The following STK39 variants were observed in gnomAD, a reference collection of about 807,000 sequenced individuals.
STK39 encodes STE20/SPS1-related proline-alanine-rich protein kinase.
Under a neutral mutation model 77.8 loss-of-function variants are expected in STK39, and 20 were observed. The observed-to-expected ratio is 0.26, with a 90% confidence interval of 0.18 to 0.37. STK39 has a LOEUF of 0.37. Among genes scored for constraint, STK39 ranks in the 10% least tolerant of loss-of-function variants. STK39 has a pLI of 1.00. For missense variants in STK39, 479 were observed against 656.5 expected (o/e 0.73, Z 2.95); for synonymous variants, 246 against 234.1 (o/e 1.05, Z -0.47).
intron 1 of STK39, among the ~76,000 whole-genome samples, chr2:168,229,320 G>A (rs1461295549): frequency 6.6e-6 from 1 of 151,850 alleles, no homozygotes. Flanking sequence ...AGGAGGCGGA[G>A]GTTGCAGTAA....
At chr2:168,098,112 T>C (rs1333223242) in intron 10 of STK39, among the ~76,000 whole-genome samples, 2 of 152,256 alleles carry the variant, frequency 1.3e-5, no homozygotes, top group Admixed American at 1.3e-4. Context: ...TTTATCATTC[T>C]TCTTTAGTCA....
At chr2:168,013,810 GTGTGTGTGTGTGTGTGTGTGTGTGTA>G (rs1684333533) in intron 15 of STK39, among the ~76,000 whole-genome samples, 2 of 56,014 alleles carry the variant, frequency 3.6e-5, no homozygotes, top group South Asian at 1.0e-3. Flanking sequence ...GTGTGTGTGT[GTGTGTGTGTGTGTGTGTGTGTGTGTA>G]TGTGTTTGCA....
At chr2:168,053,996 A>G (rs2105370612) in intron 14 of STK39, among the ~76,000 whole-genome samples, 1 of 152,364 alleles carries the variant, frequency 6.6e-6, no homozygotes, top group East Asian at 1.9e-4. Flanking sequence ...ACAGTGCTTG[A>G]AAAATTATTA....
intron 16 of STK39, among the ~76,000 whole-genome samples, chr2:167,990,300 T>C (rs1683668569): frequency 6.6e-6 from 1 of 152,194 alleles, no homozygotes; most frequent in Non-Finnish European, 1.5e-5. Context: ...ATGCAGAGGA[T>C]TTATTTCTGG....
At chr2:168,169,164 A>G (rs1688761249) in intron 2 of STK39, among the ~76,000 whole-genome samples, 1 of 152,136 alleles carries the variant, frequency 6.6e-6, no homozygotes. Flanking sequence ...AGCAACTCTT[A>G]TCCTTTGAAT....
chr2:168,183,316 T>C (rs1194777637), intron 1 of STK39, among the ~76,000 whole-genome samples: 1 of 152,198 alleles, frequency 6.6e-6, no homozygotes, highest in Non-Finnish European at 1.5e-5. Context: ...TTGTGTTCAC[T>C]GGGAAAGAAA....
intron 10 of STK39, among the ~76,000 whole-genome samples, chr2:168,085,452 A>G (rs1429555229): frequency 2.0e-5 from 3 of 152,150 alleles, no homozygotes; most frequent in Non-Finnish European, 2.9e-5. Context: ...TGTCCAGCAG[A>G]TATTTGTCTC....
At chr2:168,020,527 C>T (rs891129369) in intron 14 of STK39, among the ~76,000 whole-genome samples, 8 of 152,022 alleles carry the variant, frequency 5.3e-5, no homozygotes, top group Non-Finnish European at 7.4e-5. Flanking sequence ...GTCTCAAAGA[C>T]TCCCAGGGTC....
intron 10 of STK39, among the ~76,000 whole-genome samples, chr2:168,124,042 A>G (rs946092760): frequency 1.3e-5 from 2 of 152,150 alleles, no homozygotes; most frequent in Non-Finnish European, 2.9e-5. Context: ...TCATAGCCTA[A>G]TATTAGAAAT....
At chr2:168,104,574 T>C (rs192216302) in intron 10 of STK39, among the ~76,000 whole-genome samples, 3 of 152,188 alleles carry the variant, frequency 2.0e-5, no homozygotes, top group Non-Finnish European at 2.9e-5. Flanking sequence ...ATAGAAGGTA[T>C]AGAATGGAAT....
At chr2:167,963,340 T>C (rs371767833) in intron 17 of STK39, among the ~76,000 whole-genome samples, 1 of 152,186 alleles carries the variant, frequency 6.6e-6, no homozygotes, top group Non-Finnish European at 1.5e-5. Context: ...CCAGGGTTAC[T>C]GTTCCTCTTT....
intron 16 of STK39, among the ~76,000 whole-genome samples, chr2:167,980,070 AC>A (rs1472108684): frequency 6.6e-6 from 1 of 152,202 alleles, no homozygotes; most frequent in Non-Finnish European, 1.5e-5. Flanking sequence ...TCTCACAACC[AC>A]TGTTGAGGGG....
intron 16 of STK39, among the ~76,000 whole-genome samples, chr2:168,007,066 T>G (rs181110874): frequency 6.8e-4 from 104 of 152,306 alleles, no homozygotes; most frequent in Non-Finnish European, 1.2e-3. Flanking sequence ...GCTGTAAGCA[T>G]TTACTCCAAT....
intron 16 of STK39, among the ~76,000 whole-genome samples, chr2:167,997,979 G>T (rs1469365759): frequency 1.3e-5 from 2 of 152,152 alleles, no homozygotes; most frequent in Non-Finnish European, 2.9e-5. Flanking sequence ...TTTAATGGAG[G>T]CTATACAGTG....
At chr2:168,024,978 T>C (rs986215900) in intron 14 of STK39, among the ~76,000 whole-genome samples, 4 of 152,196 alleles carry the variant, frequency 2.6e-5, no homozygotes, top group Non-Finnish European at 2.9e-5. Context: ...CAGATAGTAT[T>C]TGTTGAACAG....
intron 14 of STK39, among the ~76,000 whole-genome samples, chr2:168,020,058 A>G (rs550144089): frequency 1.3e-5 from 2 of 152,254 alleles, no homozygotes; most frequent in South Asian, 2.1e-4. Context: ...TAGTGCTTTC[A>G]TATATATTAG....
intron 14 of STK39, among the ~76,000 whole-genome samples, chr2:168,050,727 G>A (rs1247688890): frequency 6.6e-6 from 1 of 152,194 alleles, no homozygotes; most frequent in African/African-American, 2.4e-5. Flanking sequence ...ATTTTAGCCC[G>A]CTGAGACTCT....
At chr2:168,024,581 A>G (rs958625230) in intron 14 of STK39, among the ~76,000 whole-genome samples, 4 of 152,188 alleles carry the variant, frequency 2.6e-5, no homozygotes, top group African/African-American at 9.6e-5. Flanking sequence ...ACACAGCAAG[A>G]AGACATTAAG....
chr2:168,112,334 T>C (rs1016274786), intron 10 of STK39, among the ~76,000 whole-genome samples: 2 of 151,958 alleles, frequency 1.3e-5, no homozygotes, highest in Non-Finnish European at 2.9e-5. Context: ...TCAAATCTCA[T>C]CTTGAATTGT....
Sources: gnomAD v4.1 joint callset for allele counts (sites outside exome capture counted in the v4.1 genomes callset) on GRCh38, gnomAD v4.1.1 for gene constraint, MANE v1.5 for transcripts, NCBI Gene and HGNC (gene_info 2026-07-23, HGNC 2026-07-21) for gene names.